Variants in DBR1 observed in about 807,000 individuals in gnomAD.
The protein encoded by DBR1 is debranching RNA lariats 1, also known as lariat debranching enzyme.
Under a neutral mutation model 45.9 loss-of-function variants are expected in DBR1, and 33 were observed. That is an observed-to-expected ratio of 0.72 (90% CI 0.55 to 0.96). DBR1 has a LOEUF of 0.96. Among genes scored for constraint, DBR1 ranks in the 40% least tolerant of loss-of-function variants. DBR1 has a pLI of 0.00. For synonymous variants in DBR1, 235 were observed against 235.9 expected (o/e 1.00, Z 0.04); for missense variants, 619 against 667.4 (o/e 0.93, Z 0.80).
At chr3:138,169,064 G>A (rs1200727416) in intron 4 of DBR1, among the ~76,000 whole-genome samples, 1 of 152,172 alleles carries the variant, frequency 6.6e-6, no homozygotes, top group Non-Finnish European at 1.5e-5. Context: ...ATCTATTTAA[G>A]GGAACTGTAT....
At chr3:138,162,661 A>G in intron 7 of DBR1, 79 bp from the exon 8 acceptor site, 2 of 1,220,372 alleles carry the variant, frequency 1.6e-6, no homozygotes, top group Non-Finnish European at 2.3e-6. Context: ...TACAGACTTC[A>G]GGTGCAAGGA....
intron 1 of DBR1, 35 bp downstream of exon 1, chr3:138,174,564 C>G (rs755679070): frequency 1.9e-5 from 29 of 1,524,182 alleles, no homozygotes; most frequent in South Asian, 9.4e-5. Flanking sequence ...GTCCCACCCC[C>G]CCACCGCCAA....
At chr3:138,162,690 T>C in intron 7 of DBR1, 108 bp from the exon 8 acceptor site, 2 of 968,498 alleles carry the variant, frequency 2.1e-6, no homozygotes, top group Admixed American at 2.7e-5. Context: ...AAGCCATCTA[T>C]CAAAATTCCA....
At chr3:138,174,080 T>C (rs1171580649) in intron 1 of DBR1, among the ~76,000 whole-genome samples, 1 of 149,802 alleles carries the variant, frequency 6.7e-6, no homozygotes, top group Non-Finnish European at 1.5e-5. Context: ...CCCTTAGGAA[T>C]GAAGAGCTTC....
chr3:138,166,078 C>T (rs1028788570), intron 5 of DBR1, among the ~76,000 whole-genome samples: 2 of 152,180 alleles, frequency 1.3e-5, no homozygotes, highest in African/African-American at 2.4e-5. Context: ...GTCTGGGAAG[C>T]GTCACATTCT....
chr3:138,170,143 A>T lies in DBR1; in HGVS notation c.453T>A (p.Tyr151Ter). 6.2e-7 allele frequency: 1 copy of T among 1,601,258 alleles called. No homozygotes were observed. Among genetic ancestry groups the T allele is most frequent in the Non-Finnish European group, 8.5e-7 (1 of 1,171,572 alleles). ...PYNSSTIRSI[Y>*]HVRNIEVYKL... The stretch of plus-strand genomic sequence containing the variant: ...TATAGACTTCAATATTTCTCACATG[A>T]TATATACTCCTGATTGTAGATGAAT... Residue 151 changes from tyrosine to a stop codon, truncating the protein, a stop_gained, in exon 4 of 8, where the codon TAT becomes TAA. Coordinates refer to ENST00000260803, the MANE Select transcript of DBR1 (RefSeq NM_016216.4). LOFTEE classifies it high-confidence loss of function.
In DBR1 at chr3:138,166,943, C is replaced by T. The variant is rs549954541; in HGVS notation, c.714+138G>A. On this transcript the variant is annotated intron_variant, in intron 5 of 7. Transcript: ENST00000260803. ...ATTATACTGTTTTGTAATTGCTTGT[C>T]TTTCCCAGAATCATATATTGAGCTA... 71 of 812,292 alleles carry T rather than the reference C, an allele frequency of 8.7e-5. No homozygotes were observed. The South Asian group carries it at 1.1e-3, about 12-fold the overall frequency. 50.3% of individuals were successfully genotyped at this position (812,292 alleles called of 1,614,324 possible). A position where few individuals can be genotyped will look rare whatever the true frequency, so the allele number is the denominator to read the frequency against.
chr3:138,164,901 C>T (rs1307042880), intron 5 of DBR1, among the ~76,000 whole-genome samples: 1 of 152,200 alleles, frequency 6.6e-6, no homozygotes, highest in African/African-American at 2.4e-5. Context: ...CCCGCCTTGG[C>T]CTCCCAAAGT....
At chr3:138,172,101 A>C (rs1020834318) in intron 2 of DBR1, among the ~76,000 whole-genome samples, 9 of 152,172 alleles carry the variant, frequency 5.9e-5, no homozygotes, top group Non-Finnish European at 1.2e-4. Context: ...GGTATAAAGA[A>C]CCTACAGCTT....
chr3:138,171,527 A>G (rs2042954890), intron 3 of DBR1, 106 bp downstream of exon 3: 1 of 647,592 alleles, frequency 1.5e-6, no homozygotes. Flanking sequence ...TGATAAAACT[A>G]TATCGAGGAT....
intron 1 of DBR1, 30 bp downstream of exon 1, chr3:138,174,569 C>CCCCCAGG: frequency 6.4e-7 from 1 of 1,564,832 alleles, no homozygotes; most frequent in Non-Finnish European, 8.7e-7. Context: ...ACCCCCCCAC[C>CCCCCAGG]GCCAAGTCCG....
chr3:138,167,321 A>G lies in DBR1; in HGVS notation c.490-16T>C, dbSNP rs776318066. 1.3e-6 allele frequency: 2 copies of G among 1,547,056 alleles called. No homozygotes were observed. The highest frequency in any genetic ancestry group is 1.8e-6 in the Non-Finnish European group (2 of 1,140,294). On this transcript the variant is annotated splice_polypyrimidine_tract_variant and intron_variant, in intron 4 of 7. Coordinates refer to ENST00000260803, the MANE Select transcript of DBR1 (RefSeq NM_016216.4). ...GCTGCTTCAGCTTTCAAAAGAGAAA[A>G]AGAGAAAGAAAGAAAACTCTTAAAA...
At chr3:138,163,211 G>T in intron 7 of DBR1, 138 bp downstream of exon 7, 1 of 816,926 alleles carries the variant, frequency 1.2e-6, no homozygotes, top group Non-Finnish European at 1.8e-6. Flanking sequence ...AGTGAGCCAA[G>T]ATCCAAGATC....
chr3:138,163,388 C>A lies in DBR1; in HGVS notation c.902G>T (p.Arg301Leu), dbSNP rs778482901. The change falls in exon 7 of 8, where the codon CGC becomes CTC. Residue 301 changes from arginine to leucine, a missense_variant. Coordinates refer to ENST00000260803, the MANE Select transcript of DBR1 (RefSeq NM_016216.4). The stretch of plus-strand genomic sequence containing the variant: ...ATTATTTTCTGGCATATTCCACAGG[C>A]GCCCAGTCACATTAATAAGATCATC... Reference protein sequence around the residue: ...ATDDLINVTGRLWNMPENNGL... With the variant: ...ATDDLINVTGLLWNMPENNGL... The A allele has an allele frequency of 6.2e-7, 1 of 1,613,666 alleles. No individual in the cohort carries two copies. The highest frequency in any genetic ancestry group is 8.5e-7 in the Non-Finnish European group (1 of 1,179,746).
At chr3:138,171,446 T>C (rs948392217) in intron 3 of DBR1, 187 bp downstream of exon 3, 12 of 441,230 alleles carry the variant, frequency 2.7e-5, no homozygotes, top group Non-Finnish European at 4.2e-5. Context: ...CTGCACTCCA[T>C]CATGGACACC....
intron 7 of DBR1, 85 bp from the exon 8 acceptor site, chr3:138,162,667 A>G: frequency 8.5e-7 from 1 of 1,178,036 alleles, no homozygotes; most frequent in South Asian, 1.6e-5. Context: ...CTTCAGGTGC[A>G]AGGATAAAAA....
chr3:138,173,068 CTCTAG>C (rs2042962318), intron 2 of DBR1, among the ~76,000 whole-genome samples: 2 of 142,472 alleles, frequency 1.4e-5, no homozygotes, highest in Admixed American at 7.4e-5. Flanking sequence ...GCTTTAAATA[CTCTAG>C]TCATCTCTTC....
At chr3:138,170,365 A>G (rs1048786236) in intron 3 of DBR1, among the ~76,000 whole-genome samples, 173 bp from the exon 4 acceptor site, 36 of 152,178 alleles carry the variant, frequency 2.4e-4, no homozygotes, top group African/African-American at 8.2e-4. Flanking sequence ...CTTCCTTTGC[A>G]GGCTCAAATA....
rs1382330784 is a variant in DBR1 at position 138,161,632 on chromosome 3, G to A, written c.*257C>T. ...AGGCCAAGACAGGTGGATCGCCTGA[G>A]GTCAGGAGTTGGAGACCAGCCTGGC... On this transcript the variant is annotated 3_prime_UTR_variant, in exon 8 of 8. Coordinates refer to ENST00000260803, the MANE Select transcript of DBR1 (RefSeq NM_016216.4). The A allele has an allele frequency of 7.8e-6, 3 of 385,314 alleles. No homozygotes were observed. Among genetic ancestry groups the A allele is most frequent in the East Asian group, 5.4e-5 (1 of 18,422 alleles). The allele number at this position is 385,314 out of a possible 1,614,324, so 23.9% of individuals were successfully genotyped here.
Sources: gnomAD v4.1 joint callset for allele counts (sites outside exome capture counted in the v4.1 genomes callset) on GRCh38, gnomAD v4.1.1 for gene constraint, MANE v1.5 for transcripts, NCBI Gene and HGNC (gene_info 2026-07-23, HGNC 2026-07-21) for gene names.